VPS26C: variants seen among roughly 807,000 people sequenced by gnomAD.
The protein encoded by VPS26C is vacuolar protein sorting-associated protein 26C.
A neutral mutation model predicts 30.6 loss-of-function variants in VPS26C; 19 were observed. The observed-to-expected ratio is 0.62, with a 90% CI of 0.43 to 0.91. The LOEUF (loss-of-function observed/expected upper bound fraction) is 0.91. Among genes scored for constraint, VPS26C ranks in the 40% least tolerant of loss-of-function variants. The pLI is 0.00. For synonymous variants in VPS26C, 132 were observed against 151.5 expected (o/e 0.87, Z 0.95); for missense variants, 318 against 385.1 (o/e 0.83, Z 1.46).
chr21:37,244,933 G>T (rs918259091), intron 1 of VPS26C, among the ~76,000 whole-genome samples: 2 of 152,184 alleles, frequency 1.3e-5, no homozygotes, highest in African/African-American at 4.8e-5. Flanking sequence ...GGAAGCAGTC[G>T]GTCTCTGCAG....
chr21:37,243,612 T>G (rs1170059298), intron 1 of VPS26C, among the ~76,000 whole-genome samples: 1 of 152,166 alleles, frequency 6.6e-6, no homozygotes, highest in East Asian at 1.9e-4. Context: ...CCAGAGACAC[T>G]GAAAGGAGAC....
chr21:37,237,925 C>A (rs2086041625), intron 3 of VPS26C, among the ~76,000 whole-genome samples: 1 of 152,200 alleles, frequency 6.6e-6, no homozygotes, highest in Admixed American at 6.5e-5. Flanking sequence ...AAGGCTATCT[C>A]ACCCCGCGTG....
In VPS26C at chr21:37,240,632, A is replaced by T; in HGVS notation, c.65T>A (p.Leu22His). 6.2e-7 allele frequency: 1 copy of T among 1,613,460 alleles called. No homozygotes were observed. The highest frequency in any genetic ancestry group is 8.5e-7 in the Non-Finnish European group (1 of 1,179,768). Residue 22 changes from leucine (L) to histidine (H), a missense_variant, in exon 2 of 8, where the codon CTC becomes CAC. Transcript: ENST00000309117. ...ACTCGATATGACCACCACGCCAGAGAGCACTTCCTGGGAGAGAAAAGACAG... is the reference window on the plus strand; with the variant it reads ...ACTCGATATGACCACCACGCCAGAGTGCACTTCCTGGGAGAGAAAAGACAG... ...ANKVYHAGEV[L>H]SGVVVISSKD...
At chr21:37,267,560 C>T, upstream of VPS26C, 1 of 546,404 alleles carries the variant, frequency 1.8e-6, no homozygotes, top group Non-Finnish European at 3.2e-6. Flanking sequence ...AAGACGGGGC[C>T]AAGCTAGCCC....
Position 37,228,239 on chromosome 21 carries a change from C to T in VPS26C, c.642G>A (p.Val214=), listed in dbSNP as rs777224103. The change falls in exon 6 of 8, where the codon GTG becomes GTA. Residue 214 remains valine, a synonymous_variant. Transcript: ENST00000309117. ...GGCCCTCACCGCACGTCTCCACGCG[C>T]ACCAGCTGCAGCTCCACGCTTCTGA... ...AAIRSVELQL[V]RVETCGCAEG... 8 of 1,613,054 alleles carry T rather than the reference C, an allele frequency of 5.0e-6. No individual in the cohort carries two copies. Among genetic ancestry groups the T allele is most frequent in the Middle Eastern group, 1.7e-4 (1 of 5,990 alleles).
chr21:37,255,381 G>A (rs1569240646), intron 1 of VPS26C, among the ~76,000 whole-genome samples: 1 of 152,120 alleles, frequency 6.6e-6, no homozygotes, highest in East Asian at 1.9e-4. Flanking sequence ...AACCATAAAC[G>A]TAAATAAGAC....
intron 1 of VPS26C, among the ~76,000 whole-genome samples, chr21:37,249,992 C>T (rs937759743): frequency 6.6e-6 from 1 of 152,068 alleles, no homozygotes; most frequent in African/African-American, 2.4e-5. Flanking sequence ...GGAAACTGGC[C>T]AGAGAACTCA....
chr21:37,236,023 C>T (rs1229724968), intron 3 of VPS26C, among the ~76,000 whole-genome samples: 1 of 151,908 alleles, frequency 6.6e-6, no homozygotes, highest in African/African-American at 2.4e-5. Context: ...GCCGCTGCAC[C>T]CAGCACGTCT....
rs142713639 is a variant in VPS26C, at chr21:37,243,098, A to G, written c.58-2459T>C. Among the ~76,000 whole-genome samples, 240 of 152,318 alleles carry G rather than the reference A, an allele frequency of 1.6e-3. 2 individuals are homozygous for G. The highest frequency in any genetic ancestry group is 5.4e-3 in the African/African-American group (223 of 41,570). ...GCAAGATCTGTCTACACAATGCTTG[A>G]TTGATCCTGGCAGAGGAAGATAGGA... On this transcript the variant is annotated intron_variant, in intron 1 of 7. Transcript: ENST00000309117.
At chr21:37,256,432 T>TA (rs1386131108) in intron 1 of VPS26C, among the ~76,000 whole-genome samples, 1 of 152,246 alleles carries the variant, frequency 6.6e-6, no homozygotes, top group Non-Finnish European at 1.5e-5. Context: ...TATGTATTAT[T>TA]AAAATTGACA....
At chr21:37,228,722 C>G (rs552883006) in intron 5 of VPS26C, 2 of 190,282 alleles carry the variant, frequency 1.1e-5, no homozygotes, top group African/African-American at 4.7e-5. Flanking sequence ...GACAACCTGA[C>G]ACACACACAG....
intron 5 of VPS26C, 44 bp downstream of exon 5, chr21:37,232,333 G>T: frequency 6.4e-7 from 1 of 1,563,570 alleles, no homozygotes; most frequent in Non-Finnish European, 8.8e-7. Context: ...GGGTCTGGCT[G>T]CTGGGAAGAT....
intron 3 of VPS26C, 146 bp downstream of exon 3, chr21:37,238,314 A>T: frequency 1.1e-6 from 1 of 907,346 alleles, no homozygotes; most frequent in Non-Finnish European, 1.6e-6. Context: ...GGAAATGAGA[A>T]ATTAACGTCG....
intron 7 of VPS26C, 106 bp from the exon 8 acceptor site, chr21:37,225,732 C>T (rs112311051): frequency 6.2e-5 from 59 of 948,240 alleles, no homozygotes; most frequent in Middle Eastern, 6.2e-4. Context: ...AAGGAGCACC[C>T]GGTGCGGGTG....
At position 37,235,873 on chromosome 21, in the gene VPS26C, ATATATAT is replaced by A. The variant is rs1165055834; in HGVS notation, c.352-2438_352-2432del. On this transcript the variant is annotated intron_variant, in intron 3 of 7. Coordinates refer to ENST00000309117, the MANE Select transcript of VPS26C (RefSeq NM_006052.2). ...TGTGTATATATATATATATATATATATATATATTTTTTTTTTTAATTAAAAAATTTTT... is the reference window on the plus strand; with the variant it reads ...TGTGTATATATATATATATATATATATTTTTTTTTTAATTAAAAAATTTTT... 0.032 allele frequency among the ~76,000 whole-genome samples: 486 copies of A among 15,058 alleles called. 4 individuals carry two copies. The East Asian group carries it at 0.42, about 13-fold the overall frequency. 9.9% of individuals were successfully genotyped at this position (15,058 alleles called of 152,430 possible). A position where few individuals can be genotyped will look rare whatever the true frequency, so the allele number is the denominator to read the frequency against.
Position 37,238,403 on chromosome 21 carries a change from A to G in VPS26C, c.351+57T>C, listed in dbSNP as rs566817148. On this transcript the variant is annotated intron_variant, in intron 3 of 7. Coordinates refer to ENST00000309117, the MANE Select transcript of VPS26C (RefSeq NM_006052.2). The stretch of plus-strand genomic sequence containing the variant: ...CTACTAACGTTGAGAGAAAGACCAC[A>G]CCGTTTGTCAGAAGAAAACTTGTGA... The G allele has an allele frequency of 2.9e-3, 4,510 of 1,581,840 alleles. 12 individuals are homozygous for G. Among genetic ancestry groups the G allele is most frequent in the South Asian group, 5.4e-3 (466 of 86,848 alleles).
At chr21:37,248,490 A>G (rs2148298680) in intron 1 of VPS26C, among the ~76,000 whole-genome samples, 1 of 152,306 alleles carries the variant, frequency 6.6e-6, no homozygotes, top group East Asian at 1.9e-4. Flanking sequence ...GTATATAAGT[A>G]AATTTGAAAA....
chr21:37,243,515 C>T (rs373383175), intron 1 of VPS26C, among the ~76,000 whole-genome samples: 4 of 152,168 alleles, frequency 2.6e-5, no homozygotes, highest in East Asian at 1.9e-4. Context: ...GGGACCCACT[C>T]GCGTCACCAA....
At chr21:37,266,883 C>T (rs1208676936) in intron 1 of VPS26C, 1 of 372,722 alleles carries the variant, frequency 2.7e-6, no homozygotes, top group Non-Finnish European at 4.9e-6. Context: ...TGGTCGTCAA[C>T]TCCTCCGCCC....
Sources: allele counts gnomAD v4.1 joint callset (sites outside exome capture counted in the v4.1 genomes callset), GRCh38; gene constraint gnomAD v4.1.1; transcripts MANE v1.5; gene names NCBI Gene and HGNC (gene_info 2026-07-23, HGNC 2026-07-21).